NCKAP5: variants seen among roughly 807,000 people sequenced by gnomAD.
NCKAP5 encodes NCK associated protein 5.
NCKAP5 carries 92 observed loss-of-function variants against 167.0 expected under a neutral mutation model. The ratio of observed to expected loss-of-function variants is 0.55; its 90% CI spans 0.47 to 0.66. The LOEUF (loss-of-function observed/expected upper bound fraction) is 0.66, where lower values mean the gene tolerates loss of function less well. Ranked by LOEUF, NCKAP5 falls within the 30% of genes least tolerant of loss-of-function variation. The pLI, the probability that NCKAP5 is intolerant of heterozygous loss-of-function variation, is 0.00. For synonymous variants in NCKAP5, 891 were observed against 877.4 expected (o/e 1.02, Z -0.27); for missense variants, 2,378 against 2,315.0 (o/e 1.03, Z -0.56).
chr2:133,256,068 T>G (rs1476633988), intron 4 of NCKAP5, among the ~76,000 whole-genome samples: 1 of 152,134 alleles, frequency 6.6e-6, no homozygotes, highest in African/African-American at 2.4e-5. Flanking sequence ...AAAAAAGCAA[T>G]CTGCTTGATG....
At chr2:132,771,694 A>T (rs1477520185) in intron 16 of NCKAP5, among the ~76,000 whole-genome samples, 1 of 149,792 alleles carries the variant, frequency 6.7e-6, no homozygotes, top group African/African-American at 2.5e-5. Flanking sequence ...TTTTTTTGAG[A>T]CAGAGTCTCG....
chr2:132,711,239 C>T (rs1688815149), intron 19 of NCKAP5, among the ~76,000 whole-genome samples: 1 of 152,214 alleles, frequency 6.6e-6, no homozygotes, highest in African/African-American at 2.4e-5. Context: ...CTTTCCATTA[C>T]TGTCTTGAAG....
chr2:133,285,104 C>T (rs1455760713), intron 4 of NCKAP5, among the ~76,000 whole-genome samples: 1 of 152,146 alleles, frequency 6.6e-6, no homozygotes, highest in Admixed American at 6.5e-5. Flanking sequence ...CTAACAGGCC[C>T]CCTTCAGAAT....
intron 16 of NCKAP5, among the ~76,000 whole-genome samples, chr2:132,767,088 T>C (rs1279288798): frequency 6.6e-6 from 1 of 152,136 alleles, no homozygotes; most frequent in Non-Finnish European, 1.5e-5. Context: ...AAAAGTAGGG[T>C]TCTACCACAA....
intron 6 of NCKAP5, among the ~76,000 whole-genome samples, chr2:133,111,328 C>T (rs756666651): frequency 1.1e-4 from 17 of 152,158 alleles, no homozygotes; most frequent in Non-Finnish European, 2.1e-4. Flanking sequence ...TCACCAAACC[C>T]CAGGCCACCT....
intron 2 of NCKAP5, among the ~76,000 whole-genome samples, chr2:133,532,532 G>A (rs1685448414): frequency 1.3e-5 from 2 of 152,088 alleles, no homozygotes; most frequent in African/African-American, 4.8e-5. Flanking sequence ...TGGATCAGAT[G>A]GGCTCTGGCA....
chr2:133,155,526 C>T (rs2083543521), intron 5 of NCKAP5, among the ~76,000 whole-genome samples: 1 of 152,212 alleles, frequency 6.6e-6, no homozygotes, highest in South Asian at 2.1e-4. Context: ...CAAGGTGACC[C>T]ACTCTACAAG....
chr2:133,330,675 AG>A (rs1682795212), intron 3 of NCKAP5, among the ~76,000 whole-genome samples: 2 of 152,178 alleles, frequency 1.3e-5, no homozygotes, highest in South Asian at 4.2e-4. Context: ...GATCACTTGA[AG>A]CCAGGAGTTC....
intron 5 of NCKAP5, among the ~76,000 whole-genome samples, chr2:133,188,108 G>A (rs1490697960): frequency 6.6e-6 from 1 of 152,024 alleles, no homozygotes; most frequent in African/African-American, 2.4e-5. Flanking sequence ...GCAGTTGCTG[G>A]TACTGGTTGT....
chr2:133,270,731 A>G (rs2089469709), intron 4 of NCKAP5, among the ~76,000 whole-genome samples: 1 of 152,016 alleles, frequency 6.6e-6, no homozygotes, highest in Non-Finnish European at 1.5e-5. Context: ...TAACCTTTGT[A>G]ACTTCACTTC....
At chr2:132,743,685 G>A (rs1679399670) in intron 16 of NCKAP5, among the ~76,000 whole-genome samples, 1 of 151,586 alleles carries the variant, frequency 6.6e-6, no homozygotes, top group African/African-American at 2.4e-5. Flanking sequence ...CAACCATTTA[G>A]ATAATTACAT....
chr2:132,990,126 A>G (rs189224128), intron 7 of NCKAP5, among the ~76,000 whole-genome samples: 1 of 152,336 alleles, frequency 6.6e-6, no homozygotes, highest in East Asian at 1.9e-4. Context: ...CATGACTCTC[A>G]TGTCCATTTC....
chr2:132,770,408 CAT>C (rs1361023623), intron 16 of NCKAP5, among the ~76,000 whole-genome samples: 4 of 147,250 alleles, frequency 2.7e-5, no homozygotes, highest in South Asian at 2.1e-4. Flanking sequence ...TATATTATAA[CAT>C]ATATAATAAT....
Position 132,783,513 on chromosome 2 carries a change from G to A in NCKAP5, c.3298C>T (p.Pro1100Ser). 1.9e-6 allele frequency: 3 copies of A among 1,612,698 alleles called. No individual in the cohort carries two copies. Among genetic ancestry groups the A allele is most frequent in the Admixed American group, 1.7e-5 (1 of 59,936 alleles). ...GQLNDSASTP[P>S]KPSFLGVNES... is the part of the protein sequence containing the mutation. ...TTTACCCCTAAGAAGGAAGGCTTGG[G>A]GGGTGTGGAGGCGCTATCATTCAAT... Residue 1100 changes from proline to serine, a missense_variant, in exon 14 of 20, where the codon CCC (proline) becomes TCC (serine). Transcript: ENST00000409261.
chr2:133,479,932 C>CTT (rs11368084), intron 3 of NCKAP5, among the ~76,000 whole-genome samples: 9 of 133,590 alleles, frequency 6.7e-5, no homozygotes, highest in East Asian at 2.1e-4. Flanking sequence ...TTTCTTTTTC[C>CTT]TTTTTTTTTT....
chr2:133,268,526 A>T lies in NCKAP5; in HGVS notation c.143+34511T>A, dbSNP rs1189575081. ...GAGACGGAGTCTCGCTCTGTCACCCAGGCTGCAGTGCACTGGCGCGATCTC... is the reference window on the plus strand; with the variant it reads ...GAGACGGAGTCTCGCTCTGTCACCCTGGCTGCAGTGCACTGGCGCGATCTC... On this transcript the variant is annotated intron_variant, in intron 4 of 19. Transcript: ENST00000409261. 3 of 125,826 alleles carry T rather than the reference A, an allele frequency of 2.4e-5. No individual in the cohort carries two copies. In the Admixed American group the frequency reaches 3.2e-4, roughly 13 times the overall value. 7.8% of individuals were successfully genotyped at this position (125,826 alleles called of 1,614,324 possible). A position where few individuals can be genotyped will look rare whatever the true frequency, so the allele number is the denominator to read the frequency against.
At position 132,860,628 on chromosome 2, in the gene NCKAP5, G is replaced by A. The variant is rs531627292; in HGVS notation, c.688-17C>T. ...TCTTAGATCCTACAACAAACACATCGAAGGAGGAAAAAGTCCATAACTGAA... is the reference window on the plus strand; with the variant it reads ...TCTTAGATCCTACAACAAACACATCAAAGGAGGAAAAAGTCCATAACTGAA... On this transcript the variant is annotated splice_polypyrimidine_tract_variant and intron_variant, in intron 10 of 19. Coordinates refer to ENST00000409261, the MANE Select transcript of NCKAP5 (RefSeq NM_207363.3). The A allele has an allele frequency of 9.0e-6, 14 of 1,556,966 alleles. No homozygotes were observed. The highest frequency in any genetic ancestry group is 2.7e-5 in the African/African-American group (2 of 73,662).
rs566742515 is a variant in NCKAP5, at chr2:132,875,415, C to T, written c.648+3433G>A. The stretch of plus-strand genomic sequence containing the variant: ...TGACTGCATTCTGTGTTTCCAAAGT[C>T]CTCAGTGCAGCTCATTTGCTCTGTG... On this transcript the variant is annotated intron_variant, in intron 9 of 19. Transcript: ENST00000409261. 3.1e-3 allele frequency among the ~76,000 whole-genome samples: 468 copies of T among 152,288 alleles called. 2 individuals are homozygous for T. Among genetic ancestry groups the T allele is most frequent in the African/African-American group, 0.011 (453 of 41,564 alleles).
intron 3 of NCKAP5, among the ~76,000 whole-genome samples, chr2:133,357,937 C>T (rs1684848082): frequency 6.6e-6 from 1 of 152,166 alleles, no homozygotes; most frequent in Non-Finnish European, 1.5e-5. Flanking sequence ...TACCAAAGAA[C>T]TGGTGATTAC....
Sources: gnomAD v4.1 joint callset for allele counts (sites outside exome capture counted in the v4.1 genomes callset) on GRCh38, gnomAD v4.1.1 for gene constraint, MANE v1.5 for transcripts, NCBI Gene and HGNC (gene_info 2026-07-23, HGNC 2026-07-21) for gene names.